Variants in NARS2 observed in about 807,000 individuals in gnomAD.
NARS2 encodes the protein asparaginyl-tRNA synthetase 2, mitochondrial.
In NARS2, 60 loss-of-function variants were observed where a neutral mutation model predicts 62.9. The ratio of observed to expected loss-of-function variants is 0.95; its 90% CI spans 0.77 to 1.18. The LOEUF (loss-of-function observed/expected upper bound fraction) is 1.18, where lower values mean the gene tolerates loss of function less well. Ranked by LOEUF, NARS2 falls within the 50% of genes most tolerant of loss-of-function variation. NARS2 has a pLI of 0.00. For synonymous variants in NARS2, 196 were observed against 200.0 expected (o/e 0.98, Z 0.17); for missense variants, 619 against 576.4 (o/e 1.07, Z -0.76).
chr11:78,486,176 A>T lies in NARS2; in HGVS notation c.822+6887T>A, dbSNP rs535937833. Among the ~76,000 whole-genome samples, 21 of 152,044 alleles carry T rather than the reference A, an allele frequency of 1.4e-4. No homozygotes were observed. In the East Asian group the frequency reaches 4.1e-3, roughly 29 times the overall value. On this transcript the variant is annotated intron_variant, in intron 7 of 13. Transcript: ENST00000281038. ...AGGAGTGAGCCACTGCACCCAGCCT[A>T]TTATTTTTTTTTAAATATTTTCTCT... is the stretch of plus-strand genomic sequence containing the variant.
chr11:78,476,570 A>G (rs1015495906), intron 9 of NARS2, among the ~76,000 whole-genome samples: 2 of 152,182 alleles, frequency 1.3e-5, no homozygotes, highest in African/African-American at 4.8e-5. Context: ...GGATTTTCAA[A>G]AAGGTGTTCT....
intron 6 of NARS2, among the ~76,000 whole-genome samples, chr11:78,502,812 G>A (rs1000629524): frequency 1.3e-5 from 2 of 152,020 alleles, no homozygotes; most frequent in Non-Finnish European, 2.9e-5. Flanking sequence ...TGGCCAACAT[G>A]GTGAAACCCT....
intron 11 of NARS2, among the ~76,000 whole-genome samples, chr11:78,463,609 C>G (rs1252162318): frequency 6.9e-6 from 1 of 144,674 alleles, no homozygotes; most frequent in Non-Finnish European, 1.5e-5. Flanking sequence ...TCACTTGAAC[C>G]TGGGAGGCAG....
intron 4 of NARS2, among the ~76,000 whole-genome samples, chr11:78,565,315 G>A (rs1235028400): frequency 1.3e-5 from 2 of 152,108 alleles, no homozygotes; most frequent in Non-Finnish European, 2.9e-5. Flanking sequence ...GGAGAAACAG[G>A]AAACCAAAAA....
chr11:78,485,771 C>A (rs1859546748), intron 7 of NARS2, among the ~76,000 whole-genome samples: 1 of 152,134 alleles, frequency 6.6e-6, no homozygotes, highest in Non-Finnish European at 1.5e-5. Context: ...GTGACAGTGG[C>A]ACAAGCACCT....
At chr11:78,495,375 T>G (rs1035778678) in intron 6 of NARS2, among the ~76,000 whole-genome samples, 5 of 152,146 alleles carry the variant, frequency 3.3e-5, no homozygotes, top group Non-Finnish European at 5.9e-5. Flanking sequence ...CCTTCAATAC[T>G]TGGCTCAACT....
chr11:78,513,122 T>C (rs1227307918), intron 6 of NARS2, among the ~76,000 whole-genome samples: 3 of 151,956 alleles, frequency 2.0e-5, no homozygotes, highest in Non-Finnish European at 2.9e-5. Flanking sequence ...TGGTGGCGGG[T>C]GCCTGTAATC....
intron 5 of NARS2, among the ~76,000 whole-genome samples, chr11:78,544,795 C>CAAAAAAAAAAAAAA (rs35180232): frequency 1.6e-5 from 1 of 63,256 alleles, no homozygotes; most frequent in Non-Finnish European, 3.0e-5. Flanking sequence ...CTCCGTCTCA[C>CAAAAAAAAAAAAAA]AAAAAAAAAA....
intron 11 of NARS2, among the ~76,000 whole-genome samples, chr11:78,458,289 A>C (rs1399321464): frequency 6.6e-6 from 1 of 152,208 alleles, no homozygotes; most frequent in Non-Finnish European, 1.5e-5. Context: ...ATTTTATTAA[A>C]ATTTAGAAAG....
Position 78,441,119 on chromosome 11 carries a change from T to C in NARS2, c.1263-2A>G. On this transcript the variant is annotated splice_acceptor_variant, in intron 12 of 13. Transcript: ENST00000281038. LOFTEE classifies it high-confidence loss of function. ...TGGTAGACTTCTGTAAGTCCCGATC[T>C]GTTTAAAGGAAAATAAAATTCTTTC... 1 of 1,609,934 alleles carries C rather than the reference T, an allele frequency of 6.2e-7. No homozygotes were observed. Among genetic ancestry groups the C allele is most frequent in the Non-Finnish European group, 8.5e-7 (1 of 1,178,058 alleles).
At chr11:78,555,548 C>G (rs1469044987) in intron 5 of NARS2, among the ~76,000 whole-genome samples, 2 of 152,100 alleles carry the variant, frequency 1.3e-5, no homozygotes, top group Non-Finnish European at 2.9e-5. Flanking sequence ...TTCCCTTTGT[C>G]ATTTCCAATT....
intron 11 of NARS2, among the ~76,000 whole-genome samples, chr11:78,455,452 CAAACACACCATG>C (rs1858125405): frequency 6.6e-6 from 1 of 152,032 alleles, no homozygotes; most frequent in Admixed American, 6.6e-5. Context: ...TAAATTTTCA[CAAACACACCATG>C]AAGCACCATA....
intron 11 of NARS2, among the ~76,000 whole-genome samples, chr11:78,456,481 A>G (rs1317048260): frequency 1.3e-5 from 2 of 151,936 alleles, no homozygotes; most frequent in African/African-American, 4.8e-5. Flanking sequence ...CTTCATCACT[A>G]TTTCTGTTGG....
intron 11 of NARS2, among the ~76,000 whole-genome samples, chr11:78,454,168 T>TA (rs1319723253): frequency 1.3e-5 from 2 of 152,304 alleles, no homozygotes; most frequent in Non-Finnish European, 2.9e-5. Flanking sequence ...TTTTTATAAT[T>TA]AAAGTATGAC....
intron 12 of NARS2, among the ~76,000 whole-genome samples, chr11:78,441,431 G>A (rs1857573760): frequency 6.6e-6 from 1 of 152,148 alleles, no homozygotes; most frequent in African/African-American, 2.4e-5. Flanking sequence ...CTATTATTAG[G>A]CAGGGTGCAG....
chr11:78,474,959 T>A (rs1030039214), intron 9 of NARS2, among the ~76,000 whole-genome samples: 3 of 152,176 alleles, frequency 2.0e-5, no homozygotes, highest in Admixed American at 2.0e-4. Flanking sequence ...TTTAGCAATT[T>A]TGAGATATAC....
chr11:78,551,298 T>G (rs1480871840), intron 5 of NARS2, among the ~76,000 whole-genome samples: 1 of 152,218 alleles, frequency 6.6e-6, no homozygotes, highest in East Asian at 1.9e-4. Context: ...TATAGCCTAC[T>G]ACCCCCAGGC....
At chr11:78,551,291 A>G (rs1428012056) in intron 5 of NARS2, among the ~76,000 whole-genome samples, 1 of 152,218 alleles carries the variant, frequency 6.6e-6, no homozygotes, top group Non-Finnish European at 1.5e-5. Context: ...GACGGGGTAT[A>G]GCCTACTACC....
chr11:78,521,789 C>CAAAAAAAAAA (rs58282524), intron 6 of NARS2, among the ~76,000 whole-genome samples: 6 of 96,366 alleles, frequency 6.2e-5, no homozygotes, highest in African/African-American at 2.8e-4. Flanking sequence ...GACTCCGTCT[C>CAAAAAAAAAA]AAAAAAAAAA....
Sources: gnomAD v4.1 joint callset for allele counts (sites outside exome capture counted in the v4.1 genomes callset) on GRCh38, gnomAD v4.1.1 for gene constraint, MANE v1.5 for transcripts, NCBI Gene and HGNC (gene_info 2026-07-23, HGNC 2026-07-21) for gene names.